CELF4: variants seen among roughly 807,000 people sequenced by gnomAD.
The protein encoded by CELF4 is CUGBP Elav-like family member 4, also known as CUG-BP- and ETR-3-like factor 4.
In CELF4, 18 loss-of-function variants were observed where a neutral mutation model predicts 59.9. The observed-to-expected ratio is 0.30, with a 90% CI of 0.21 to 0.45. The LOEUF (loss-of-function observed/expected upper bound fraction) is 0.45. Among genes scored for constraint, CELF4 ranks in the 20% least tolerant of loss-of-function variants. The pLI, the probability that CELF4 is intolerant of heterozygous loss-of-function variation, is 1.00. For synonymous variants in CELF4, 261 were observed against 267.1 expected (o/e 0.98, Z 0.22); for missense variants, 456 against 689.0 (o/e 0.66, Z 3.79).
rs374311059 is a variant in CELF4, at chr18:37,253,888, T to C, written c.1384A>G (p.Met462Val). 30 of 1,608,664 alleles carry C rather than the reference T, an allele frequency of 1.9e-5. No individual in the cohort carries two copies. The highest frequency in any genetic ancestry group is 2.5e-5 in the Non-Finnish European group (30 of 1,177,842). ...TTCATGCCGATCTGGAAGCCGTTCA[T>C]GGCCTGGATGGCGGTCTGCGCGCTG... ...PASAQTAIQAMNGFQIGMKRL... is the reference protein window; with the variant it reads ...PASAQTAIQAVNGFQIGMKRL... The change falls in exon 12 of 13, where the codon ATG (methionine) becomes GTG (valine). Residue 462 changes from methionine (M) to valine (V), a missense_variant. Physicochemically the swap from Met to Val is conservative, Grantham distance 21. Transcript: ENST00000420428. The surrounding 1 kb of genome is among the most constrained non-coding windows in gnomAD (Gnocchi z 4.5).
chr18:37,271,007 G>A (rs1013273876), intron 7 of CELF4, 90 bp from the exon 8 acceptor site: 1 of 1,166,806 alleles, frequency 8.6e-7, no homozygotes, highest in Non-Finnish European at 1.2e-6. Context: ...TCACTCAACT[G>A]TTTCCAAGGA....
At chr18:37,484,863 C>T (rs2956966) in intron 2 of CELF4, among the ~76,000 whole-genome samples, 151,240 of 152,304 alleles carry the variant, frequency 0.99, 75,101 homozygotes, top group Middle Eastern at 1. Flanking sequence ...TCCATTTATC[C>T]TTAGATACTC....
intron 2 of CELF4, among the ~76,000 whole-genome samples, chr18:37,475,637 G>T (rs1267873614): frequency 6.6e-6 from 1 of 152,182 alleles, no homozygotes; most frequent in Non-Finnish European, 1.5e-5. Context: ...GAGACTTGCT[G>T]GGGCCTGAAG....
intron 3 of CELF4, among the ~76,000 whole-genome samples, chr18:37,314,872 G>C (rs1162270544): frequency 6.6e-6 from 1 of 152,132 alleles, no homozygotes; most frequent in Non-Finnish European, 1.5e-5. Flanking sequence ...AGGAAAATAG[G>C]CTCCCATTGA....
chr18:37,321,846 G>C lies in CELF4; in HGVS notation c.405C>G (p.Ser135Arg). The C allele has an allele frequency of 6.2e-7, 1 of 1,613,330 alleles. No individual in the cohort carries two copies. The highest frequency in any genetic ancestry group is 8.5e-7 in the Non-Finnish European group (1 of 1,179,628). Residue 135 changes from serine to arginine, a missense_variant, in exon 3 of 13, where the codon AGC (serine) becomes AGG (arginine). Coordinates refer to ENST00000420428, the MANE Select transcript of CELF4 (RefSeq NM_020180.4). ...GGCAGCTACTACCTCCTCGGCTCTC[G>C]CTGTCCGCAGGCTTCACCTGGATCG... Reference protein sequence around the residue: ...NRPIQVKPADSESRGGSSCLR... With the variant: ...NRPIQVKPADRESRGGSSCLR...
At chr18:37,425,864 C>T (rs1332768062) in intron 2 of CELF4, among the ~76,000 whole-genome samples, 2 of 152,212 alleles carry the variant, frequency 1.3e-5, no homozygotes, top group African/African-American at 4.8e-5. Flanking sequence ...GACCTTTGGT[C>T]CCCAAGAGAG....
intron 7 of CELF4, among the ~76,000 whole-genome samples, chr18:37,271,254 C>CTTTT (rs34833771): frequency 6.3e-4 from 66 of 105,550 alleles, no homozygotes; most frequent in Non-Finnish European, 7.1e-4. Context: ...TCCTTCAGTC[C>CTTTT]TTTTTTTTTT....
intron 2 of CELF4, among the ~76,000 whole-genome samples, chr18:37,446,821 T>C (rs1169060791): frequency 1.3e-5 from 2 of 152,150 alleles, no homozygotes; most frequent in Non-Finnish European, 2.9e-5. Flanking sequence ...ATGGTGTTGC[T>C]GGGCAGCACA....
At chr18:37,418,279 T>G (rs1350914694) in intron 2 of CELF4, among the ~76,000 whole-genome samples, 1 of 152,192 alleles carries the variant, frequency 6.6e-6, no homozygotes, top group South Asian at 2.1e-4. Flanking sequence ...GACTGTAGCA[T>G]GGAGGTTTCA....
At chr18:37,432,974 C>G (rs1024303091) in intron 2 of CELF4, among the ~76,000 whole-genome samples, 3 of 152,218 alleles carry the variant, frequency 2.0e-5, no homozygotes, top group Non-Finnish European at 4.4e-5. Context: ...TGTCTCCTGT[C>G]CCAATCCACG....
intron 1 of CELF4, among the ~76,000 whole-genome samples, chr18:37,486,594 T>C (rs2099881840): frequency 6.6e-6 from 1 of 152,204 alleles, no homozygotes; most frequent in African/African-American, 2.4e-5. Context: ...GAAGGTGGCT[T>C]GGGAGGCCTG....
intron 2 of CELF4, among the ~76,000 whole-genome samples, chr18:37,396,372 G>C (rs1158149763): frequency 6.6e-6 from 1 of 152,234 alleles, no homozygotes; most frequent in Non-Finnish European, 1.5e-5. Context: ...TCTTGTCCTA[G>C]CTGTGCTGCC....
At chr18:37,550,933 G>A (rs924386573) in intron 1 of CELF4, among the ~76,000 whole-genome samples, 3 of 152,198 alleles carry the variant, frequency 2.0e-5, no homozygotes, top group Non-Finnish European at 4.4e-5. Context: ...GGACACATCG[G>A]CCCAGTTTGA....
chr18:37,282,700 G>T (rs1286593232), intron 3 of CELF4, among the ~76,000 whole-genome samples: 1 of 152,160 alleles, frequency 6.6e-6, no homozygotes, highest in Non-Finnish European at 1.5e-5. Flanking sequence ...TGATCAGGTC[G>T]GCGCAGACAG....
chr18:37,471,398 G>A (rs1211293141), intron 2 of CELF4, among the ~76,000 whole-genome samples: 1 of 152,156 alleles, frequency 6.6e-6, no homozygotes, highest in Non-Finnish European at 1.5e-5. Context: ...AAGGGAACAA[G>A]CTCCTCAGTG....
At chr18:37,261,441 G>A (rs1015272799) in intron 10 of CELF4, among the ~76,000 whole-genome samples, 2 of 152,182 alleles carry the variant, frequency 1.3e-5, no homozygotes, top group Admixed American at 6.5e-5. Flanking sequence ...CCACATGCGC[G>A]GTGTGTGGCG....
In CELF4 at chr18:37,410,624, G is replaced by A. The variant is rs1292041174; in HGVS notation, c.369+74901C>T. Among the ~76,000 whole-genome samples, 5 of 152,234 alleles carry A rather than the reference G, an allele frequency of 3.3e-5. No homozygotes were observed. The South Asian group carries it at 8.3e-4, about 25-fold the overall frequency. Reference sequence around the variant, plus strand: ...CACATAGGCCATCTACGCTTTTGGCGTGTGTGTTGGGGTAGACGGATGTGG... The same window carrying A: ...CACATAGGCCATCTACGCTTTTGGCATGTGTGTTGGGGTAGACGGATGTGG... On this transcript the variant is annotated intron_variant, in intron 2 of 12. Transcript: ENST00000420428.
At chr18:37,538,147 G>T (rs774801702) in intron 1 of CELF4, among the ~76,000 whole-genome samples, 1 of 152,212 alleles carries the variant, frequency 6.6e-6, no homozygotes, top group Admixed American at 6.5e-5. Context: ...GTGGGAGGGC[G>T]GCCTCCTCAT....
At chr18:37,438,413 T>G (rs563907345) in intron 2 of CELF4, among the ~76,000 whole-genome samples, 14 of 152,304 alleles carry the variant, frequency 9.2e-5, no homozygotes, top group Middle Eastern at 3.4e-3. Context: ...CCCAGGATGC[T>G]GACAGAGTAG....
Sources: gnomAD v4.1 joint callset for allele counts (sites outside exome capture counted in the v4.1 genomes callset) on GRCh38, gnomAD v4.1.1 for gene constraint, Gnocchi (gnomAD v3.1) non-coding constraint, MANE v1.5 for transcripts, NCBI Gene and HGNC (gene_info 2026-07-23, HGNC 2026-07-21) for gene names.